Variants in MDGA2 observed in about 807,000 individuals in gnomAD.
MDGA2 encodes MAM domain-containing glycosylphosphatidylinositol anchor protein 2.
A neutral mutation model predicts 117.8 loss-of-function variants in MDGA2; 40 were observed. The ratio of observed to expected loss-of-function variants is 0.34; its 90% CI spans 0.26 to 0.44. MDGA2 has a LOEUF of 0.44. Among genes scored for constraint, MDGA2 ranks in the 20% least tolerant of loss-of-function variants. MDGA2 has a pLI of 1.00. For missense variants in MDGA2, 1,123 were observed against 1,250.6 expected (o/e 0.90, Z 1.54); for synonymous variants, 452 against 439.0 (o/e 1.03, Z -0.37).
intron 8 of MDGA2, among the ~76,000 whole-genome samples, chr14:46,987,595 A>C (rs756306289): frequency 2.0e-5 from 3 of 152,068 alleles, no homozygotes; most frequent in Non-Finnish European, 4.4e-5. Context: ...CGAAAATAGA[A>C]AATCATTTTA....
At chr14:47,462,363 G>A (rs1893506465) in intron 1 of MDGA2, among the ~76,000 whole-genome samples, 1 of 130,808 alleles carries the variant, frequency 7.6e-6, no homozygotes, top group South Asian at 2.4e-4. Context: ...GCGACAGAGA[G>A]AGACTCCGTC....
chr14:47,130,052 C>G (rs987724690), intron 5 of MDGA2, among the ~76,000 whole-genome samples: 2 of 151,600 alleles, frequency 1.3e-5, no homozygotes, highest in African/African-American at 4.8e-5. Flanking sequence ...TGCCTGTTCA[C>G]TCTGATGGTA....
chr14:46,930,526 T>G (rs1884529761), intron 9 of MDGA2, among the ~76,000 whole-genome samples: 2 of 152,166 alleles, frequency 1.3e-5, no homozygotes, highest in Non-Finnish European at 2.9e-5. Flanking sequence ...TCAGCTAAAA[T>G]AAGTGCTTAT....
chr14:47,324,942 A>C (rs1002616938), intron 1 of MDGA2, among the ~76,000 whole-genome samples: 1 of 152,142 alleles, frequency 6.6e-6, no homozygotes, highest in Admixed American at 6.6e-5. Context: ...AAAATGGGGA[A>C]AGATTGATCA....
intron 1 of MDGA2, among the ~76,000 whole-genome samples, chr14:47,398,908 C>T (rs2138454963): frequency 1.3e-5 from 2 of 152,188 alleles, no homozygotes; most frequent in South Asian, 4.1e-4. Flanking sequence ...TTCAAATTGC[C>T]TGAGGACAGA....
chr14:47,356,981 G>A (rs546939491), intron 1 of MDGA2, among the ~76,000 whole-genome samples: 3 of 152,266 alleles, frequency 2.0e-5, no homozygotes, highest in East Asian at 3.9e-4. Context: ...AGCTCCATTG[G>A]AAAAATAAAT....
At chr14:47,332,645 A>G in intron 1 of MDGA2, among the ~76,000 whole-genome samples, 1 of 152,122 alleles carries the variant, frequency 6.6e-6, no homozygotes, top group Middle Eastern at 3.4e-3. Flanking sequence ...TTTTAAAACA[A>G]AAATTAAATA....
chr14:47,072,941 G>GT (rs1313733009), intron 6 of MDGA2, among the ~76,000 whole-genome samples: 1 of 152,022 alleles, frequency 6.6e-6, no homozygotes, highest in African/African-American at 2.4e-5. Flanking sequence ...TTATTTAAAC[G>GT]TAACTCCCAT....
At chr14:47,609,427 T>TTATATATATATATA (rs1896799227) in intron 1 of MDGA2, among the ~76,000 whole-genome samples, 1 of 6,934 alleles carries the variant, frequency 1.4e-4, no homozygotes, top group Non-Finnish European at 4.5e-4. Flanking sequence ...TAGTATTCCA[T>TTATATATATATATA]CATATATATA....
At chr14:47,467,426 T>C (rs553322338) in intron 1 of MDGA2, among the ~76,000 whole-genome samples, 1 of 152,256 alleles carries the variant, frequency 6.6e-6, no homozygotes, top group Non-Finnish European at 1.5e-5. Context: ...ATAAAAGTTC[T>C]TGATAAGGCC....
At position 47,561,153 on chromosome 14, in the gene MDGA2, G is replaced by GGTTTTTTTT. The variant is rs1895797132; in HGVS notation, c.280+113363_280+113364insAAAAAAAAC. ...TACCTCTATCTTTGTTTTTTTTTTT[G>GGTTTTTTTT]TTTTGTTTTGTTTTTTTGTTTGTTT... On this transcript the variant is annotated intron_variant, in intron 1 of 16. Transcript: ENST00000399232. 1.6e-3 allele frequency among the ~76,000 whole-genome samples: 105 copies of GGTTTTTTTT among 63,870 alleles called. 8 individuals carry two copies. The highest frequency in any genetic ancestry group is 8.6e-3 in the East Asian group (6 of 694). The allele number at this position is 63,870 out of a possible 152,430, so 41.9% of individuals were successfully genotyped here.
intron 4 of MDGA2, among the ~76,000 whole-genome samples, chr14:47,133,235 T>C (rs747305041): frequency 1.3e-5 from 2 of 151,920 alleles, no homozygotes; most frequent in Admixed American, 6.6e-5. Flanking sequence ...AATCTATATG[T>C]TTCTAGAGTT....
intron 1 of MDGA2, among the ~76,000 whole-genome samples, chr14:47,442,862 T>A (rs1325696003): frequency 1.3e-5 from 2 of 152,102 alleles, no homozygotes; most frequent in African/African-American, 4.8e-5. Flanking sequence ...CTGTTTTGAG[T>A]AGCATGATAA....
At chr14:47,312,096 C>G (rs542708180) in intron 1 of MDGA2, among the ~76,000 whole-genome samples, 1 of 152,130 alleles carries the variant, frequency 6.6e-6, no homozygotes, top group Non-Finnish European at 1.5e-5. Flanking sequence ...TACAATTCAG[C>G]TCCTAATTTT....
intron 1 of MDGA2, among the ~76,000 whole-genome samples, chr14:47,669,377 G>T (rs973545383): frequency 1.3e-5 from 2 of 152,134 alleles, no homozygotes; most frequent in Non-Finnish European, 2.9e-5. Context: ...ACTGTTAATT[G>T]TCTAAACTCT....
At chr14:47,582,528 C>G (rs1412016862) in intron 1 of MDGA2, among the ~76,000 whole-genome samples, 1 of 151,792 alleles carries the variant, frequency 6.6e-6, no homozygotes, top group East Asian at 1.9e-4. Flanking sequence ...GACTCCATGT[C>G]TTAGTTTCTT....
chr14:47,645,238 T>C (rs1305869871), intron 1 of MDGA2, among the ~76,000 whole-genome samples: 1 of 152,160 alleles, frequency 6.6e-6, no homozygotes, highest in Non-Finnish European at 1.5e-5. Context: ...ACACAATTCT[T>C]ATAATTCAAT....
intron 1 of MDGA2, among the ~76,000 whole-genome samples, chr14:47,597,879 CA>C (rs1896575671): frequency 6.7e-6 from 1 of 148,172 alleles, no homozygotes. Flanking sequence ...CACACACACA[CA>C]CACAAAACAC....
At chr14:46,957,915 A>G (rs1472672159) in intron 8 of MDGA2, among the ~76,000 whole-genome samples, 1 of 152,154 alleles carries the variant, frequency 6.6e-6, no homozygotes, top group East Asian at 1.9e-4. Flanking sequence ...CTCTTTCAGC[A>G]AATATTTTTA....
Sources: gnomAD v4.1 joint callset for allele counts (sites outside exome capture counted in the v4.1 genomes callset) on GRCh38, gnomAD v4.1.1 for gene constraint, MANE v1.5 for transcripts, NCBI Gene and HGNC (gene_info 2026-07-23, HGNC 2026-07-21) for gene names.